DPYSL5: variants seen among roughly 807,000 people sequenced by gnomAD.
DPYSL5 encodes the protein dihydropyrimidinase-related protein 5.
Under a neutral mutation model 58.4 loss-of-function variants are expected in DPYSL5, and 9 were observed. The ratio of observed to expected loss-of-function variants is 0.15; its 90% CI spans 0.09 to 0.27. The LOEUF (loss-of-function observed/expected upper bound fraction) is 0.27, where lower values mean the gene tolerates loss of function less well. Ranked by LOEUF, DPYSL5 falls within the 10% of genes least tolerant of loss-of-function variation. The pLI is 1.00. For missense variants in DPYSL5, 499 were observed against 770.6 expected (o/e 0.65, Z 4.17); for synonymous variants, 293 against 301.9 (o/e 0.97, Z 0.31).
At chr2:26,921,165 CA>C (rs920780997) in intron 2 of DPYSL5, among the ~76,000 whole-genome samples, 1 of 151,690 alleles carries the variant, frequency 6.6e-6, no homozygotes, top group Non-Finnish European at 1.5e-5. Flanking sequence ...CGTAACTAAA[CA>C]AAAAAAACCC....
chr2:26,943,639 C>G (rs1665383922), intron 11 of DPYSL5, among the ~76,000 whole-genome samples: 1 of 152,210 alleles, frequency 6.6e-6, no homozygotes, highest in African/African-American at 2.4e-5. Context: ...TGTGTTGCCT[C>G]TCATGTGCCA....
intron 2 of DPYSL5, among the ~76,000 whole-genome samples, chr2:26,923,384 C>T (rs1664751297): frequency 6.6e-6 from 1 of 152,176 alleles, no homozygotes; most frequent in African/African-American, 2.4e-5. Context: ...GTTAGGACAA[C>T]ACTTTTACCA....
At chr2:26,917,816 C>A (rs1664605315) in intron 2 of DPYSL5, among the ~76,000 whole-genome samples, 1 of 152,066 alleles carries the variant, frequency 6.6e-6, no homozygotes, top group Non-Finnish European at 1.5e-5. Flanking sequence ...TAAGAATTTC[C>A]AGATGGTGAC....
intron 1 of DPYSL5, among the ~76,000 whole-genome samples, chr2:26,876,453 C>A (rs1257556240): frequency 6.6e-6 from 1 of 152,158 alleles, no homozygotes; most frequent in Non-Finnish European, 1.5e-5. Flanking sequence ...GAAGGGCCAG[C>A]AAGATATCAA....
intron 1 of DPYSL5, among the ~76,000 whole-genome samples, chr2:26,890,147 A>G (rs1053028257): frequency 6.6e-6 from 1 of 152,192 alleles, no homozygotes; most frequent in Non-Finnish European, 1.5e-5. Flanking sequence ...TACCCAGTTT[A>G]GACCAGTATC....
At chr2:26,912,240 A>G (rs1474268507) in intron 2 of DPYSL5, among the ~76,000 whole-genome samples, 2 of 152,182 alleles carry the variant, frequency 1.3e-5, no homozygotes, top group Non-Finnish European at 2.9e-5. Flanking sequence ...ATAACTTGCC[A>G]AGCTAATAAG....
chr2:26,850,023 C>G (rs796351438), intron 1 of DPYSL5, among the ~76,000 whole-genome samples: 6 of 152,296 alleles, frequency 3.9e-5, no homozygotes, highest in African/African-American at 1.4e-4. Flanking sequence ...GCGGGTTCCC[C>G]CGAGCAGCGG....
In DPYSL5 at chr2:26,931,203, GTA is replaced by G. The variant is rs373034710; in HGVS notation, c.670-411_670-410del. On this transcript the variant is annotated intron_variant, in intron 5 of 12. Coordinates refer to ENST00000288699, the MANE Select transcript of DPYSL5 (RefSeq NM_020134.4). Reference sequence around the variant, plus strand: ...TGTGTGTGTGTGTGTGTGTGTGTGTGTATATATATATATATATATATATATAT... The same window carrying G: ...TGTGTGTGTGTGTGTGTGTGTGTGTGTATATATATATATATATATATATAT... Among the ~76,000 whole-genome samples the G allele has an allele frequency of 6.5e-3, 294 of 44,904 alleles. 5 individuals carry two copies. Among genetic ancestry groups the G allele is most frequent in the African/African-American group, 0.019 (237 of 12,322 alleles). 29.5% of individuals were successfully genotyped at this position (44,904 alleles called of 152,430 possible).
chr2:26,851,054 G>A (rs1425098596), intron 1 of DPYSL5, among the ~76,000 whole-genome samples: 14 of 151,850 alleles, frequency 9.2e-5, no homozygotes, highest in Non-Finnish European at 2.1e-4. Flanking sequence ...ACACAAACAT[G>A]GATTCAGAGT....
chr2:26,907,546 C>T (rs1194477738), intron 2 of DPYSL5, among the ~76,000 whole-genome samples: 1 of 152,090 alleles, frequency 6.6e-6, no homozygotes, highest in East Asian at 1.9e-4. Context: ...TGGATCTTCC[C>T]CCTGGGCAAC....
In DPYSL5 at chr2:26,862,729, C is replaced by T. The variant is rs1666046235; in HGVS notation, c.-5+14475C>T. Reference sequence around the variant, plus strand: ...TGGTGGAAGTCACCGGGATGCCAGGCACATCCAGCCTCTGTGTGGAGGTCC... The same window carrying T: ...TGGTGGAAGTCACCGGGATGCCAGGTACATCCAGCCTCTGTGTGGAGGTCC... On this transcript the variant is annotated intron_variant, in intron 1 of 12. Transcript: ENST00000288699. 2.6e-5 allele frequency among the ~76,000 whole-genome samples: 4 copies of T among 152,302 alleles called. No individual in the cohort carries two copies. The South Asian group carries it at 8.3e-4, about 32-fold the overall frequency.
intron 1 of DPYSL5, among the ~76,000 whole-genome samples, chr2:26,895,775 C>CTTTTTTTTTTTTTTTTTTT (rs869030530): frequency 1.3e-4 from 13 of 101,084 alleles, no homozygotes; most frequent in Admixed American, 2.3e-4. Flanking sequence ...ATTTCTTTTT[C>CTTTTTTTTTTTTTTTTTTT]TTTTTTTTTT....
At position 26,942,880 on chromosome 2, in the gene DPYSL5, G is replaced by A. The variant is rs374729111; in HGVS notation, c.1440+130G>A. The A allele has an allele frequency of 9.6e-7, 1 of 1,045,182 alleles. No homozygotes were observed. The highest frequency in any genetic ancestry group is 1.6e-5 in the South Asian group (1 of 62,916). The allele number at this position is 1,045,182 out of a possible 1,614,324, so 64.7% of individuals were successfully genotyped here. ...CCAATTCCATTGCACTTTCTCCAGC[G>A]TTGAGAGGGGAGTGTGCGGCAGCGC... On this transcript the variant is annotated intron_variant, in intron 11 of 12. Transcript: ENST00000288699. The surrounding 1 kb of genome is among the most constrained non-coding windows in gnomAD (Gnocchi z 5.9).
At chr2:26,894,492 T>C (rs1398434125) in intron 1 of DPYSL5, among the ~76,000 whole-genome samples, 6 of 152,148 alleles carry the variant, frequency 3.9e-5, no homozygotes, top group Admixed American at 3.9e-4. Context: ...CCCCACAGGA[T>C]TGTTGGAGGG....
intron 2 of DPYSL5, among the ~76,000 whole-genome samples, chr2:26,902,064 G>A (rs762457922): frequency 6.6e-6 from 1 of 150,592 alleles, no homozygotes; most frequent in Non-Finnish European, 1.5e-5. Context: ...TGCAGGCCCC[G>A]CCCTCCCCAG....
intron 1 of DPYSL5, among the ~76,000 whole-genome samples, chr2:26,862,075 C>A (rs1572672491): frequency 1.4e-5 from 1 of 73,552 alleles, no homozygotes; most frequent in Non-Finnish European, 4.1e-5. Context: ...AATAAGTTCT[C>A]CCCCAGGCAG....
At chr2:26,901,350 GT>G (rs974265403) in intron 2 of DPYSL5, among the ~76,000 whole-genome samples, 41 of 152,086 alleles carry the variant, frequency 2.7e-4, no homozygotes, top group Admixed American at 2.4e-3. Flanking sequence ...GACTCCATTA[GT>G]AGATCCTGCC....
At chr2:26,857,874 C>T (rs1665917338) in intron 1 of DPYSL5, among the ~76,000 whole-genome samples, 1 of 152,190 alleles carries the variant, frequency 6.6e-6, no homozygotes, top group Admixed American at 6.5e-5. Flanking sequence ...TTCAGCCTGT[C>T]GCATCTCATG....
chr2:26,852,830 T>C (rs1484243238), intron 1 of DPYSL5, among the ~76,000 whole-genome samples: 2 of 152,186 alleles, frequency 1.3e-5, no homozygotes, highest in Non-Finnish European at 2.9e-5. Context: ...TTCTGAGGCT[T>C]ACATGTGTTA....
Sources: allele counts gnomAD v4.1 joint callset (sites outside exome capture counted in the v4.1 genomes callset), GRCh38; gene constraint gnomAD v4.1.1; non-coding constraint Gnocchi (gnomAD v3.1); transcripts MANE v1.5; gene names NCBI Gene and HGNC (gene_info 2026-07-23, HGNC 2026-07-21).